Variants in NREP observed in about 807,000 individuals in gnomAD.
NREP encodes the protein neuronal regeneration related protein, also known as neuronal regeneration-related protein.
NREP carries 5 observed loss-of-function variants against 8.6 expected under a neutral mutation model. The ratio of observed to expected loss-of-function variants is 0.58; its 90% confidence interval spans 0.30 to 1.22. The LOEUF (loss-of-function observed/expected upper bound fraction) is 1.22. Ranked by LOEUF, NREP falls within the 50% of genes most tolerant of loss-of-function variation. NREP has a pLI of 0.07. For synonymous variants in NREP, 27 were observed against 28.0 expected (o/e 0.96, Z 0.11); for missense variants, 86 against 82.5 (o/e 1.04, Z -0.17).
chr5:111,896,696 G>A (rs1754518940), intron 2 of NREP, among the ~76,000 whole-genome samples: 1 of 152,076 alleles, frequency 6.6e-6, no homozygotes, highest in East Asian at 1.9e-4. Flanking sequence ...GATCAGCCTC[G>A]TTTACTCTCA....
chr5:111,797,334 C>A (rs1025880046), intron 2 of NREP, among the ~76,000 whole-genome samples: 1 of 152,076 alleles, frequency 6.6e-6, no homozygotes, highest in African/African-American at 2.4e-5. Context: ...TGCTTACACT[C>A]CAAAATTATG....
At chr5:111,773,516 A>G (rs1469166654) in intron 2 of NREP, among the ~76,000 whole-genome samples, 1 of 152,178 alleles carries the variant, frequency 6.6e-6, no homozygotes, top group African/African-American at 2.4e-5. Context: ...ATATTTAACA[A>G]TGAGGATTTA....
chr5:111,969,463 T>C (rs558891323), intron 2 of NREP: 5 of 152,336 alleles, frequency 3.3e-5, no homozygotes, highest in Non-Finnish European at 5.9e-5. Flanking sequence ...GTTGTATTAA[T>C]AGACATACAG....
chr5:111,969,226 T>C (rs565988200), intron 2 of NREP, among the ~76,000 whole-genome samples: 2 of 152,314 alleles, frequency 1.3e-5, no homozygotes, highest in South Asian at 4.1e-4. Context: ...TCATCACATT[T>C]ACAGATTTCA....
At position 111,884,379 on chromosome 5, in the gene NREP, G is replaced by A. The variant is rs531098061; in HGVS notation, c.135+90895C>T. On this transcript the variant is annotated intron_variant, in intron 2 of 3. Transcript: ENST00000395634. ...TCCAGGACCAGATGGATTCACAGCC[G>A]GATTCTACCAGAGGTACAAGGAGGA... is the stretch of plus-strand genomic sequence containing the variant. Among the ~76,000 whole-genome samples the A allele has an allele frequency of 2.4e-3, 367 of 151,384 alleles. 1 individual carries two copies. The highest frequency in any genetic ancestry group is 8.4e-3 in the African/African-American group (344 of 40,902).
rs57775701 is a variant in NREP, at chr5:111,790,347, C to CTTTTTTTTTTTTT, written c.136-54853_136-54841dup. On this transcript the variant is annotated intron_variant, in intron 2 of 3. Transcript: ENST00000395634. Reference sequence around the variant, plus strand: ...TCACCCTATACTTCAAAAACCTTAACTTTTTTTTTTTTTTTTTTTTTTTTT... The same window carrying CTTTTTTTTTTTTT: ...TCACCCTATACTTCAAAAACCTTAACTTTTTTTTTTTTTTTTTTTTTTTTTTTTTTTTTTTTTT... 4.7e-4 allele frequency among the ~76,000 whole-genome samples: 28 copies of CTTTTTTTTTTTTT among 59,636 alleles called. 1 individual carries two copies. Among genetic ancestry groups the CTTTTTTTTTTTTT allele is most frequent in the Non-Finnish European group, 4.6e-4 (16 of 35,028 alleles). The allele number at this position is 59,636 out of a possible 152,430, so 39.1% of individuals were successfully genotyped here. A position where few individuals can be genotyped will look rare whatever the true frequency, so the allele number is the denominator to read the frequency against.
chr5:111,936,326 A>G (rs1190955601), intron 2 of NREP, among the ~76,000 whole-genome samples: 1 of 151,966 alleles, frequency 6.6e-6, no homozygotes, highest in Non-Finnish European at 1.5e-5. Context: ...TAAGTGTGTG[A>G]CAGTTCCTCC....
At chr5:111,822,191 T>C (rs903908379) in intron 2 of NREP, among the ~76,000 whole-genome samples, 1 of 152,050 alleles carries the variant, frequency 6.6e-6, no homozygotes, top group African/African-American at 2.4e-5. Context: ...TTTGAAGGCA[T>C]TGGAAAGTTA....
At chr5:111,753,897 A>T (rs1230529814) in intron 2 of NREP, among the ~76,000 whole-genome samples, 1 of 152,216 alleles carries the variant, frequency 6.6e-6, no homozygotes, top group Non-Finnish European at 1.5e-5. Flanking sequence ...CTTAAAAAAA[A>T]AAAAAGTGAA....
At chr5:111,800,615 T>C (rs1353263572) in intron 2 of NREP, among the ~76,000 whole-genome samples, 3 of 152,136 alleles carry the variant, frequency 2.0e-5, no homozygotes, top group Non-Finnish European at 4.4e-5. Context: ...TCCAGTGGAG[T>C]TCATGGGAGT....
At chr5:111,941,905 T>C (rs1030695467) in intron 2 of NREP, among the ~76,000 whole-genome samples, 30 of 152,100 alleles carry the variant, frequency 2.0e-4, no homozygotes, top group Admixed American at 1.6e-3. Flanking sequence ...CTATGTGTTA[T>C]ATCACCACAA....
At position 111,802,220 on chromosome 5, in the gene NREP, A is replaced by G. The variant is rs1244456491; in HGVS notation, c.136-66713T>C. Among the ~76,000 whole-genome samples, 7 of 152,336 alleles carry G rather than the reference A, an allele frequency of 4.6e-5. No individual in the cohort carries two copies. In the East Asian group the frequency reaches 1.3e-3, roughly 29 times the overall value. ...AATAGAGCCATGAAGGAAAAATAAGATTTAGTTGAAAGTTTAAGTGTGATG... is the reference window on the plus strand; with the variant it reads ...AATAGAGCCATGAAGGAAAAATAAGGTTTAGTTGAAAGTTTAAGTGTGATG... On this transcript the variant is annotated intron_variant, in intron 2 of 3. Coordinates refer to the NREP transcript ENST00000395634.
chr5:111,835,693 T>C (rs1019063529), intron 2 of NREP, among the ~76,000 whole-genome samples: 5 of 152,104 alleles, frequency 3.3e-5, no homozygotes, highest in African/African-American at 1.2e-4. Context: ...GATAGGCAGA[T>C]AGGAACATTC....
At chr5:111,765,658 C>T (rs912860989) in intron 2 of NREP, among the ~76,000 whole-genome samples, 2 of 152,234 alleles carry the variant, frequency 1.3e-5, no homozygotes, top group African/African-American at 4.8e-5. Flanking sequence ...TCTTAACCGT[C>T]ATGCTCACCT....
At chr5:111,845,202 A>G (rs1026110606) in intron 2 of NREP, among the ~76,000 whole-genome samples, 1 of 151,792 alleles carries the variant, frequency 6.6e-6, no homozygotes, top group African/African-American at 2.4e-5. Flanking sequence ...ATCTGTCTCC[A>G]TACTGCACTG....
intron 2 of NREP, among the ~76,000 whole-genome samples, chr5:111,968,720 C>A (rs940426926): frequency 6.6e-6 from 1 of 152,222 alleles, no homozygotes; most frequent in Non-Finnish European, 1.5e-5. Flanking sequence ...AGCCCCACTA[C>A]TTCTAGCTTC....
intron 2 of NREP, among the ~76,000 whole-genome samples, chr5:111,859,013 T>C (rs1299758860): frequency 6.6e-6 from 1 of 152,090 alleles, no homozygotes; most frequent in Non-Finnish European, 1.5e-5. Context: ...AGAAAGTTCT[T>C]TTCCCTTCTA....
At chr5:111,811,332 AT>A (rs1752264713) in intron 2 of NREP, among the ~76,000 whole-genome samples, 1 of 152,174 alleles carries the variant, frequency 6.6e-6, no homozygotes, top group African/African-American at 2.4e-5. Context: ...TATCAGACAT[AT>A]ACTCTTCAAC....
chr5:111,866,713 C>T lies in NREP; in HGVS notation c.135+108561G>A, dbSNP rs1294853711. Reference sequence around the variant, plus strand: ...ATGCACACGTATGTTTATTGCGGCACTATTCACAATAGCAAAGACTTGGAA... The same window carrying T: ...ATGCACACGTATGTTTATTGCGGCATTATTCACAATAGCAAAGACTTGGAA... On this transcript the variant is annotated intron_variant, in intron 2 of 3. Transcript: ENST00000395634. 5.3e-5 allele frequency among the ~76,000 whole-genome samples: 8 copies of T among 152,144 alleles called. No individual in the cohort carries two copies. The East Asian group carries it at 1.2e-3, about 22-fold the overall frequency.
Sources: gnomAD v4.1 joint callset for allele counts (sites outside exome capture counted in the v4.1 genomes callset) on GRCh38, gnomAD v4.1.1 for gene constraint, MANE v1.5 for transcripts, NCBI Gene and HGNC (gene_info 2026-07-23, HGNC 2026-07-21) for gene names.